DHX34: variants seen among roughly 807,000 people sequenced by gnomAD.
DHX34 encodes the protein DExH-box helicase 34, also known as probable ATP-dependent RNA helicase DHX34.
Under a neutral mutation model 111.1 loss-of-function variants are expected in DHX34, and 96 were observed. The observed-to-expected ratio is 0.86, with a 90% CI of 0.73 to 1.02. DHX34 has a LOEUF of 1.02. Ranked by LOEUF, DHX34 falls within the 50% of genes least tolerant of loss-of-function variation. DHX34 has a pLI of 0.00. For synonymous variants in DHX34, 688 were observed against 670.4 expected (o/e 1.03, Z -0.41); for missense variants, 1,560 against 1,579.9 (o/e 0.99, Z 0.21).
Position 47,377,439 on chromosome 19 carries a change from G to A in DHX34, c.2706+233G>A, listed in dbSNP as rs192600323. ...AGGCGCTGTGCCAGGTGCCAAGGGCGCAGCAGGGAACCAGGCATGAAGCCC... is the reference window on the plus strand; with the variant it reads ...AGGCGCTGTGCCAGGTGCCAAGGGCACAGCAGGGAACCAGGCATGAAGCCC... On this transcript the variant is annotated intron_variant, in intron 13 of 16. Transcript: ENST00000328771. 7.9e-3 allele frequency among the ~76,000 whole-genome samples: 1,178 copies of A among 148,200 alleles called. 7 individuals carry two copies. Among genetic ancestry groups the A allele is most frequent in the Non-Finnish European group, 0.013 (856 of 67,330 alleles).
chr19:47,363,002 G>C (rs1599760598), intron 6 of DHX34, among the ~76,000 whole-genome samples: 3 of 152,030 alleles, frequency 2.0e-5, no homozygotes, highest in Admixed American at 6.6e-5. Flanking sequence ...CCATGCTGGA[G>C]TGCAGTGGTG....
intron 1 of DHX34, among the ~76,000 whole-genome samples, chr19:47,352,426 A>T (rs993632149): frequency 1.3e-5 from 2 of 152,232 alleles, no homozygotes; most frequent in Admixed American, 1.3e-4. Flanking sequence ...TGGTAATCCC[A>T]ACACTTTGGG....
At position 47,382,276 on chromosome 19, in the gene DHX34, G is replaced by A; in HGVS notation, c.*163G>A. On this transcript the variant is annotated 3_prime_UTR_variant, in exon 17 of 17. Coordinates refer to ENST00000328771, the MANE Select transcript of DHX34 (RefSeq NM_014681.6). ...GATTGTGAATAAAGCCTCACATGCTGATACACACTGTTAGGCCTGCACCTG... is the reference window on the plus strand; with the variant it reads ...GATTGTGAATAAAGCCTCACATGCTAATACACACTGTTAGGCCTGCACCTG... 7.8e-7 allele frequency: 1 copy of A among 1,286,688 alleles called. No individual in the cohort carries two copies. Among genetic ancestry groups the A allele is most frequent in the Non-Finnish European group, 1.0e-6 (1 of 965,610 alleles). 79.7% of individuals were successfully genotyped at this position (1,286,688 alleles called of 1,614,324 possible).
chr19:47,351,873 G>C (rs987353734), intron 1 of DHX34, among the ~76,000 whole-genome samples: 2 of 151,884 alleles, frequency 1.3e-5, no homozygotes, highest in Admixed American at 1.3e-4. Context: ...GTAGAATCGA[G>C]GAAGGGCTGT....
chr19:47,379,788 C>G lies in DHX34; in HGVS notation c.2785C>G (p.Gln929Glu). ...RLVADGWLEL[Q>E]LADSESAIRL... ...GGTGGCCGATGGCTGGCTGGAGCTG[C>G]AGCTAGCAGACAGTGAAAGTGCCAT... Residue 929 changes from glutamine (Q) to glutamate (E), a missense_variant, in exon 14 of 17, where the codon CAG becomes GAG. Gln to Glu is a conservative substitution (Grantham distance 29, BLOSUM62 2). Transcript: ENST00000328771. The G allele has an allele frequency of 6.2e-7, 1 of 1,613,514 alleles. No homozygotes were observed. The highest frequency in any genetic ancestry group is 8.5e-7 in the Non-Finnish European group (1 of 1,179,584).
At position 47,376,034 on chromosome 19, in the gene DHX34, G is replaced by A; in HGVS notation, c.2418G>A (p.Arg806=). The A allele has an allele frequency of 6.2e-7, 1 of 1,600,846 alleles. No homozygotes were observed. Among genetic ancestry groups the A allele is most frequent in the Non-Finnish European group, 8.5e-7 (1 of 1,174,502 alleles). The change falls in exon 11 of 17, where the codon CGG becomes CGA. Residue 806 remains arginine (R), a synonymous_variant. Transcript: ENST00000328771. ...CTCTGCTGAAGCTGGTGCTGGGCCG[G>A]GGCCTGTACCCACAGCTGGCCGTCC... is the stretch of plus-strand genomic sequence containing the variant. ...QLALLKLVLG[R]GLYPQLAVPD...
rs3745172 is a variant in DHX34 at position 47,382,223 on chromosome 19, T to C, written c.*110T>C. On this transcript the variant is annotated 3_prime_UTR_variant, in exon 17 of 17. Coordinates refer to ENST00000328771, the MANE Select transcript of DHX34 (RefSeq NM_014681.6). Reference sequence around the variant, plus strand: ...CAGCCTGGGCTTAGCCCTGTGGTCCTGTCCCAGTGCAGAGGGCCTGGAGCA... The same window carrying C: ...CAGCCTGGGCTTAGCCCTGTGGTCCCGTCCCAGTGCAGAGGGCCTGGAGCA... 0.01 allele frequency: 15,589 copies of C among 1,503,028 alleles called. 621 individuals carry two copies. In the East Asian group the frequency reaches 0.16, roughly 15 times the overall value. 93.1% of individuals were successfully genotyped at this position (1,503,028 alleles called of 1,614,324 possible). A position where few individuals can be genotyped will look rare whatever the true frequency, so the allele number is the denominator to read the frequency against.
chr19:47,362,987 G>T (rs1969681372), intron 6 of DHX34, among the ~76,000 whole-genome samples: 1 of 151,966 alleles, frequency 6.6e-6, no homozygotes, highest in African/African-American at 2.4e-5. Context: ...GTCTCCCTCT[G>T]TCGCCCATGC....
At chr19:47,370,699 TGGA>T (rs886701094) in intron 7 of DHX34, among the ~76,000 whole-genome samples, 5 of 151,964 alleles carry the variant, frequency 3.3e-5, no homozygotes, top group African/African-American at 1.2e-4. Flanking sequence ...TATTTAGAGA[TGGA>T]GTTTCACTCT....
chr19:47,381,122 G>A (rs932256171), intron 15 of DHX34, 64 bp from the exon 16 acceptor site: 12 of 1,600,528 alleles, frequency 7.5e-6, no homozygotes, highest in Non-Finnish European at 9.4e-6. Flanking sequence ...AGGGTCCCGG[G>A]GGGGCACTTG....
intron 5 of DHX34, chr19:47,362,223 C>T (rs1266287088): frequency 1.6e-5 from 7 of 436,406 alleles, no homozygotes; most frequent in Non-Finnish European, 2.0e-5. Context: ...TGAGCTCTGA[C>T]TGAGCCACTG....
intron 14 of DHX34, 60 bp from the exon 15 acceptor site, chr19:47,380,756 G>A (rs1970325641): frequency 6.2e-7 from 1 of 1,604,214 alleles, no homozygotes; most frequent in South Asian, 1.1e-5. Context: ...CTGGATCCAG[G>A]TGCTTTGGCG....
intron 7 of DHX34, among the ~76,000 whole-genome samples, chr19:47,368,639 T>TATAC (rs1307809985): frequency 8.9e-5 from 13 of 145,762 alleles, no homozygotes; most frequent in African/African-American, 2.0e-4. Flanking sequence ...TGTATATATA[T>TATAC]ACACACACAC....
At chr19:47,360,259 G>A (rs1969589763) in intron 5 of DHX34, among the ~76,000 whole-genome samples, 189 bp downstream of exon 5, 1 of 152,138 alleles carries the variant, frequency 6.6e-6, no homozygotes, top group Non-Finnish European at 1.5e-5. Flanking sequence ...TGGAATATTT[G>A]TATCAATTTT....
In DHX34 at chr19:47,353,748, C is replaced by A; in HGVS notation, c.705+13C>A. 1 of 1,539,268 alleles carries A rather than the reference C, an allele frequency of 6.5e-7. No individual in the cohort carries two copies. Among genetic ancestry groups the A allele is most frequent in the Non-Finnish European group, 8.8e-7 (1 of 1,140,892 alleles). On this transcript the variant is annotated intron_variant, in intron 2 of 16. Coordinates refer to ENST00000328771, the MANE Select transcript of DHX34 (RefSeq NM_014681.6). This position sits in a 1 kb window ranked among gnomAD's most constrained non-coding sequence, Gnocchi z 4.6. Reference sequence around the variant, plus strand: ...GTATGGCTCACAGGTGAGTGGGACGCACCAGGTTTCCGATTTTTCCAGCGT... The same window carrying A: ...GTATGGCTCACAGGTGAGTGGGACGAACCAGGTTTCCGATTTTTCCAGCGT...
intron 7 of DHX34, 47 bp from the exon 8 acceptor site, chr19:47,372,683 G>A (rs576617616): frequency 1.9e-5 from 29 of 1,523,362 alleles, no homozygotes; most frequent in African/African-American, 8.4e-5. Context: ...TGAGGGCTGC[G>A]CCTGTCCTGG....
In DHX34 at chr19:47,355,160, T is replaced by G; in HGVS notation, c.827T>G (p.Leu276Arg). The change falls in exon 3 of 17, where the codon CTG becomes CGG. Residue 276 changes from leucine to arginine, a missense_variant. Leu to Arg is a moderately radical substitution (Grantham distance 102, BLOSUM62 -2). Transcript: ENST00000328771. ...REPSLPQYEV[L>R]IVDEVHERHL... ...CCCAGCCTGCCCCAGTATGAGGTCCTGATTGTGGATGAAGTCCATGAGCGG... is the reference window on the plus strand; with the variant it reads ...CCCAGCCTGCCCCAGTATGAGGTCCGGATTGTGGATGAAGTCCATGAGCGG... The G allele has an allele frequency of 6.2e-7, 1 of 1,614,132 alleles. No individual in the cohort carries two copies. The highest frequency in any genetic ancestry group is 8.5e-7 in the Non-Finnish European group (1 of 1,180,026).
chr19:47,354,618 G>A (rs560301767), intron 2 of DHX34, among the ~76,000 whole-genome samples: 3 of 152,194 alleles, frequency 2.0e-5, no homozygotes, highest in African/African-American at 7.2e-5. Flanking sequence ...AGAGTCTGAT[G>A]GGTAGGCATG....
intron 6 of DHX34, among the ~76,000 whole-genome samples, chr19:47,363,872 A>G (rs1439965838): frequency 6.6e-6 from 1 of 152,070 alleles, no homozygotes; most frequent in Admixed American, 6.6e-5. Context: ...CAGTGACTCA[A>G]TCAGAATGCT....
Sources: gnomAD v4.1 joint callset for allele counts (sites outside exome capture counted in the v4.1 genomes callset) on GRCh38, gnomAD v4.1.1 for gene constraint, Gnocchi (gnomAD v3.1) non-coding constraint, MANE v1.5 for transcripts, NCBI Gene and HGNC (gene_info 2026-07-23, HGNC 2026-07-21) for gene names.